The following SRGAP2 variants were observed in gnomAD, a reference collection of about 807,000 sequenced individuals.
SRGAP2 encodes SLIT-ROBO Rho GTPase-activating protein 2.
In SRGAP2, 15 loss-of-function variants were observed where a neutral mutation model predicts 57.2. That is an observed-to-expected ratio of 0.26 (90% CI 0.18 to 0.40). SRGAP2 has a LOEUF of 0.40. Among genes scored for constraint, SRGAP2 ranks in the 10% least tolerant of loss-of-function variants. SRGAP2 has a pLI of 1.00. For missense variants in SRGAP2, 520 were observed against 669.6 expected, an observed-to-expected ratio of 0.78 and a Z score of 2.47; for synonymous variants, 249 against 248.0, an observed-to-expected ratio of 1.00 and a Z score of -0.04.
At chr1:206,371,333 A>G (rs1654528952) in intron 4 of SRGAP2, among the ~76,000 whole-genome samples, 1 of 151,326 alleles carries the variant, frequency 6.6e-6, no homozygotes, top group African/African-American at 2.4e-5. Context: ...GCAGACTTGC[A>G]CTAAAAGAAA....
Position 206,419,353 on chromosome 1 carries a change from T to C in SRGAP2, c.1442-20T>C. The C allele has an allele frequency of 2.6e-6, 2 of 780,802 alleles. 1 individual carries two copies. The highest frequency in any genetic ancestry group is 2.7e-5 in the South Asian group (2 of 74,616). 48.4% of individuals were successfully genotyped at this position (780,802 alleles called of 1,614,324 possible). On this transcript the variant is annotated intron_variant, in intron 11 of 22. Coordinates refer to ENST00000573034, the MANE Select transcript of SRGAP2 (RefSeq NM_015326.5). ...TCTTCTCCTTTAACATAATGCTTTT[T>C]GCCTTTGTGTTTCCAACAGGTCAGC...
At chr1:206,434,680 C>T (rs1661575426) in intron 14 of SRGAP2, among the ~76,000 whole-genome samples, 1 of 152,194 alleles carries the variant, frequency 6.6e-6, no homozygotes, top group Admixed American at 6.5e-5. Flanking sequence ...AGTAGTCCCT[C>T]CAAAACATAA....
chr1:206,425,437 A>G (rs1215376397), intron 13 of SRGAP2, among the ~76,000 whole-genome samples: 1 of 152,230 alleles, frequency 6.6e-6, no homozygotes, highest in African/African-American at 2.4e-5. Context: ...ATTATTATTA[A>G]CTATTATTAT....
At chr1:206,259,950 G>A (rs2102619064) in intron 2 of SRGAP2, among the ~76,000 whole-genome samples, 1 of 55,496 alleles carries the variant, frequency 1.8e-5, no homozygotes, top group East Asian at 4.5e-4. Context: ...TCTTAAAACT[G>A]GATGCAAATC....
At position 206,391,605 on chromosome 1, in the gene SRGAP2, ACACACACATG is replaced by A. The variant is rs1273798785; in HGVS notation, c.487-1075_487-1066del. 6.3e-5 allele frequency among the ~76,000 whole-genome samples: 7 copies of A among 110,768 alleles called. No homozygotes were observed. The East Asian group carries it at 2.0e-3, about 31-fold the overall frequency. 72.7% of individuals were successfully genotyped at this position (110,768 alleles called of 152,430 possible). On this transcript the variant is annotated intron_variant, in intron 5 of 22. Coordinates refer to ENST00000573034, the MANE Select transcript of SRGAP2 (RefSeq NM_015326.5). The stretch of plus-strand genomic sequence containing the variant: ...TTGTACCTTTGCACTCCTGTGTTAC[ACACACACATG>A]CACACACACACACACACACACACAC...
chr1:206,341,482 ACACC>A (rs1310471839), intron 3 of SRGAP2, among the ~76,000 whole-genome samples: 1 of 151,840 alleles, frequency 6.6e-6, no homozygotes, highest in African/African-American at 2.4e-5. Context: ...GTGGTTAATA[ACACC>A]CACCTCATCA....
intron 21 of SRGAP2, among the ~76,000 whole-genome samples, chr1:206,456,735 G>A (rs1553378606): frequency 6.6e-6 from 1 of 152,212 alleles, no homozygotes; most frequent in Non-Finnish European, 1.5e-5. Context: ...GTGGGTGGGT[G>A]AGCGGTGGCC....
chr1:206,313,640 G>A (rs1452298007), intron 3 of SRGAP2, among the ~76,000 whole-genome samples: 1 of 152,216 alleles, frequency 6.6e-6, no homozygotes, highest in Non-Finnish European at 1.5e-5. Flanking sequence ...TTAGGGATTT[G>A]GCTCTATGCA....
At chr1:206,321,843 T>G (rs1216159348) in intron 3 of SRGAP2, among the ~76,000 whole-genome samples, 1 of 152,250 alleles carries the variant, frequency 6.6e-6, no homozygotes, top group Non-Finnish European at 1.5e-5. Flanking sequence ...CAACAAGATG[T>G]TCCAGGCTTA....
At chr1:206,228,826 T>TAA (rs199965145) in intron 2 of SRGAP2, among the ~76,000 whole-genome samples, 2,525 of 131,156 alleles carry the variant, frequency 0.019, 39 homozygotes, top group African/African-American at 0.033. Flanking sequence ...ATCAGCGCTT[T>TAA]AAAAAAAAAA....
chr1:206,401,287 C>T (rs1558391680), intron 7 of SRGAP2, 134 bp from the exon 8 acceptor site: 11 of 713,884 alleles, frequency 1.5e-5, no homozygotes, highest in South Asian at 1.3e-4. Flanking sequence ...CCTTGGAAGT[C>T]GGAATGTCAG....
intron 21 of SRGAP2, 129 bp downstream of exon 21, chr1:206,455,153 G>A: frequency 2.7e-6 from 2 of 751,386 alleles, no homozygotes; most frequent in Non-Finnish European, 4.9e-6. Context: ...CTAACAGTTT[G>A]CATGTGGTCA....
intron 3 of SRGAP2, among the ~76,000 whole-genome samples, chr1:206,318,361 T>G (rs1673198686): frequency 6.6e-6 from 1 of 152,092 alleles, no homozygotes; most frequent in African/African-American, 2.4e-5. Flanking sequence ...AGGGTTGGCT[T>G]CTTAGGTGTA....
chr1:206,321,715 A>G (rs1375367558), intron 3 of SRGAP2, among the ~76,000 whole-genome samples: 152 of 141,456 alleles, frequency 1.1e-3, no homozygotes, highest in Non-Finnish European at 1.8e-3. Context: ...ATCCTTTACC[A>G]TCTTTATTTT....
intron 2 of SRGAP2, among the ~76,000 whole-genome samples, chr1:206,274,765 A>T (rs1237884200): frequency 6.6e-6 from 1 of 152,152 alleles, no homozygotes; most frequent in Non-Finnish European, 1.5e-5. Context: ...CGGGTGTCTC[A>T]TCAAAAAGCG....
rs78364324 is a variant in SRGAP2, at chr1:206,354,314, G to T, written c.423+11306G>T. On this transcript the variant is annotated intron_variant, in intron 4 of 22. Coordinates refer to ENST00000573034, the MANE Select transcript of SRGAP2 (RefSeq NM_015326.5). ...TACTGGTTGATCACCTTGATCTTGTGGGGGCTTGGCTTTATACTTCATTAC... is the reference window on the plus strand; with the variant it reads ...TACTGGTTGATCACCTTGATCTTGTTGGGGCTTGGCTTTATACTTCATTAC... Among the ~76,000 whole-genome samples, 18 of 152,194 alleles carry T rather than the reference G, an allele frequency of 1.2e-4. 1 individual carries two copies. The East Asian group carries it at 3.3e-3, about 28-fold the overall frequency.
chr1:206,302,523 G>T (rs1157593278), intron 2 of SRGAP2, among the ~76,000 whole-genome samples: 1 of 151,530 alleles, frequency 6.6e-6, no homozygotes, highest in South Asian at 2.1e-4. Context: ...AAGCAACACA[G>T]ATATGAGTGA....
chr1:206,445,230 C>T (rs537882199), intron 17 of SRGAP2, among the ~76,000 whole-genome samples: 5 of 152,188 alleles, frequency 3.3e-5, no homozygotes, highest in African/African-American at 9.7e-5. Context: ...AATGCCTGGA[C>T]GGGCAAGGCC....
intron 2 of SRGAP2, among the ~76,000 whole-genome samples, chr1:206,295,747 A>G (rs1171534463): frequency 6.6e-6 from 1 of 151,930 alleles, no homozygotes; most frequent in Non-Finnish European, 1.5e-5. Flanking sequence ...GTATATTTGG[A>G]TCATGTCTTC....
Sources: allele counts gnomAD v4.1 joint callset (sites outside exome capture counted in the v4.1 genomes callset), GRCh38; gene constraint gnomAD v4.1.1; transcripts MANE v1.5; gene names NCBI Gene and HGNC (gene_info 2026-07-23, HGNC 2026-07-21).